CEP76: variants seen among roughly 807,000 people sequenced by gnomAD.
CEP76 encodes the protein centrosomal protein of 76 kDa.
In CEP76, 55 loss-of-function variants were observed where a neutral mutation model predicts 83.3. The observed-to-expected ratio is 0.66, with a 90% CI of 0.53 to 0.83. The LOEUF (loss-of-function observed/expected upper bound fraction) is 0.83, where lower values mean the gene tolerates loss of function less well. CEP76 is among the 40% of genes least tolerant of loss of function. The probability of loss-of-function intolerance (pLI) is 0.00; values close to 1 mark genes in which losing one functional copy is unlikely to be tolerated. For missense variants in CEP76, 694 were observed against 799.5 expected (o/e 0.87, Z 1.59); for synonymous variants, 270 against 274.5 (o/e 0.98, Z 0.16).
intron 7 of CEP76, among the ~76,000 whole-genome samples, chr18:12,689,319 A>G (rs951415922): frequency 6.6e-6 from 1 of 152,250 alleles, no homozygotes; most frequent in Admixed American, 6.5e-5. Flanking sequence ...AAATTAAATC[A>G]GCATTTTATT....
Position 12,701,059 on chromosome 18 carries a change from A to G in CEP76, c.118T>C (p.Leu40=). 9 of 1,613,822 alleles carry G rather than the reference A, an allele frequency of 5.6e-6. No homozygotes were observed. Among genetic ancestry groups the G allele is most frequent in the Middle Eastern group, 1.7e-4 (1 of 6,060 alleles). ...GATAAATGCTGTTGATCAGGTGCCA[A>G]TTCTTCCCGTATAGTCTCAGCAAGG... ...EILAETIREE[L]APDQQHLSTE... The change falls in exon 2 of 12, where the codon TTG becomes CTG. Residue 40 remains leucine (L), a synonymous_variant. Coordinates refer to ENST00000262127, the MANE Select transcript of CEP76 (RefSeq NM_024899.4).
At chr18:12,673,586 A>G in intron 11 of CEP76, 83 bp from the exon 12 acceptor site, 1 of 1,232,246 alleles carries the variant, frequency 8.1e-7, no homozygotes, top group Non-Finnish European at 1.1e-6. Flanking sequence ...AGTATTTAAA[A>G]TAATTTTTTC....
chr18:12,691,160 T>C, intron 7 of CEP76, 199 bp downstream of exon 7: 1 of 407,118 alleles, frequency 2.5e-6, no homozygotes, highest in Non-Finnish European at 4.3e-6. Flanking sequence ...ATAACTGAAA[T>C]TGAAAGTAAA....
At chr18:12,701,849 T>C (rs886886735) in intron 1 of CEP76, among the ~76,000 whole-genome samples, 3 of 152,204 alleles carry the variant, frequency 2.0e-5, no homozygotes, top group African/African-American at 4.8e-5. Context: ...CCCTGATATC[T>C]GCCGGGCGCG....
rs1270704603 is a variant in CEP76, at chr18:12,691,389, G to A, written c.903C>T (p.His301=). 4 of 1,606,238 alleles carry A rather than the reference G, an allele frequency of 2.5e-6. No individual in the cohort carries two copies. The South Asian group carries it at 3.4e-5, about 13-fold the overall frequency. Residue 301 remains histidine, a synonymous_variant, in exon 7 of 12, where the codon CAC becomes CAT. Transcript: ENST00000262127. ...WREYLQIRPS[H]NSRLVKIFAQ... is the part of the protein sequence containing the mutation. The stretch of plus-strand genomic sequence containing the variant: ...CAAAAATCTTAACCAGTCGTGAGTT[G>A]TGTGAGGGTCGAATTTGCAAATATT...
chr18:12,701,114 C>G lies in CEP76; in HGVS notation c.64-1G>C, dbSNP rs1159349405. 1 of 1,607,356 alleles carries G rather than the reference C, an allele frequency of 6.2e-7. No individual in the cohort carries two copies. Among genetic ancestry groups the G allele is most frequent in the African/African-American group, 1.3e-5 (1 of 74,584 alleles). ...CTCTTATTCTACCATGGACATCCAT[C>G]TATGTAGAAAACTCATATTACAATT... On this transcript the variant is annotated splice_acceptor_variant, in intron 1 of 11. Transcript: ENST00000262127. LOFTEE classifies it high-confidence loss of function.
chr18:12,690,868 C>T (rs1250038243), intron 7 of CEP76, among the ~76,000 whole-genome samples: 2 of 152,052 alleles, frequency 1.3e-5, no homozygotes, highest in African/African-American at 4.8e-5. Flanking sequence ...CATTACTGGT[C>T]ACTGGCTTAG....
At chr18:12,679,703 A>C (rs944729617) in intron 9 of CEP76, among the ~76,000 whole-genome samples, 1 of 152,190 alleles carries the variant, frequency 6.6e-6, no homozygotes, top group African/African-American at 2.4e-5. Context: ...ACCACATCAA[A>C]TTTTAAAAAG....
intron 7 of CEP76, among the ~76,000 whole-genome samples, chr18:12,687,704 C>T (rs909030437): frequency 6.6e-6 from 1 of 151,600 alleles, no homozygotes; most frequent in Non-Finnish European, 1.5e-5. Context: ...CCGCCCACCT[C>T]GACCTCCCAA....
At chr18:12,690,747 G>A (rs1287670411) in intron 7 of CEP76, among the ~76,000 whole-genome samples, 8 of 152,112 alleles carry the variant, frequency 5.3e-5, no homozygotes, top group Admixed American at 1.3e-4. Flanking sequence ...GAGCCACCGC[G>A]CCTAGCTGAC....
chr18:12,696,660 G>T (rs2039968407), intron 5 of CEP76, among the ~76,000 whole-genome samples: 2 of 152,106 alleles, frequency 1.3e-5, no homozygotes, highest in Non-Finnish European at 2.9e-5. Context: ...TAGCAAGTAT[G>T]TGTTACATAG....
At chr18:12,667,291 C>A (rs745720716) in intron 12 of CEP76, among the ~76,000 whole-genome samples, 4 of 151,940 alleles carry the variant, frequency 2.6e-5, no homozygotes, top group African/African-American at 7.3e-5. Flanking sequence ...CTTGTCTCTA[C>A]AAAAAAATTT....
At chr18:12,696,928 G>A (rs551944289) in intron 5 of CEP76, among the ~76,000 whole-genome samples, 58 of 151,830 alleles carry the variant, frequency 3.8e-4, no homozygotes, top group African/African-American at 1.3e-3. Context: ...TTTCTTTATA[G>A]CCTTATATTT....
Position 12,674,519 on chromosome 18 carries a change from C to T in CEP76, c.1841+17G>A, listed in dbSNP as rs747645488. 1.2e-5 allele frequency: 19 copies of T among 1,591,470 alleles called. No homozygotes were observed. The highest frequency in any genetic ancestry group is 3.3e-5 in the Admixed American group (2 of 59,746). ...GACTCCTAAACTGAAAAAATGATTC[C>T]GTAAATTACACCTTACCGAAGACAT... is the stretch of plus-strand genomic sequence containing the variant. On this transcript the variant is annotated intron_variant, in intron 11 of 11. Transcript: ENST00000262127.
At chr18:12,696,231 C>T (rs1372626560) in intron 5 of CEP76, among the ~76,000 whole-genome samples, 3 of 152,154 alleles carry the variant, frequency 2.0e-5, no homozygotes, top group Non-Finnish European at 2.9e-5. Flanking sequence ...ACTGGCTGGG[C>T]GCGGTGACTC....
chr18:12,672,241 AG>A (rs1253786968), downstream of CEP76, among the ~76,000 whole-genome samples: 2 of 151,382 alleles, frequency 1.3e-5, no homozygotes, highest in Non-Finnish European at 2.9e-5. Context: ...CAGCCTCCTG[AG>A]TAGCTGGGAT....
chr18:12,691,094 GT>G, intron 7 of CEP76: 1 of 309,328 alleles, frequency 3.2e-6, no homozygotes, highest in East Asian at 5.9e-5. Flanking sequence ...TTCAGAAAGG[GT>G]TTAAAACACA....
At chr18:12,694,574 T>C (rs1432867366) in intron 6 of CEP76, among the ~76,000 whole-genome samples, 1 of 152,174 alleles carries the variant, frequency 6.6e-6, no homozygotes, top group Middle Eastern at 3.2e-3. Context: ...GGCAAGCACT[T>C]CTACCCTGAG....
chr18:12,662,492 G>C (rs1037146433), intron 12 of CEP76, among the ~76,000 whole-genome samples: 1 of 152,162 alleles, frequency 6.6e-6, no homozygotes, highest in Non-Finnish European at 1.5e-5. Flanking sequence ...ATAAAGTCCT[G>C]AGCCCGGCCA....
Sources: allele counts gnomAD v4.1 joint callset (sites outside exome capture counted in the v4.1 genomes callset), GRCh38; gene constraint gnomAD v4.1.1; transcripts MANE v1.5; gene names NCBI Gene and HGNC (gene_info 2026-07-23, HGNC 2026-07-21).